MBD5: variants seen among roughly 807,000 people sequenced by gnomAD.
The protein encoded by MBD5 is methyl-CpG binding domain protein 5, also known as methyl-CpG-binding domain protein 5.
MBD5 carries 13 observed loss-of-function variants against 117.3 expected under a neutral mutation model. That is an observed-to-expected ratio of 0.11 (90% CI 0.07 to 0.18). The LOEUF (loss-of-function observed/expected upper bound fraction) is 0.18, where lower values mean the gene tolerates loss of function less well. Ranked by LOEUF, MBD5 falls within the 10% of genes least tolerant of loss-of-function variation. MBD5 has a pLI of 1.00. For missense variants in MBD5, 1,879 were observed against 2,093.8 expected (o/e 0.90, Z 2.00); for synonymous variants, 727 against 766.4 (o/e 0.95, Z 0.85).
intron 4 of MBD5, among the ~76,000 whole-genome samples, chr2:148,378,278 T>A (rs549044066): frequency 4.7e-4 from 72 of 152,316 alleles, no homozygotes; most frequent in African/African-American, 1.7e-3. Context: ...TAATGACATT[T>A]GGTTTCCTGA....
At chr2:148,063,383 G>T (rs1375876169) in intron 1 of MBD5, among the ~76,000 whole-genome samples, 3 of 152,032 alleles carry the variant, frequency 2.0e-5, no homozygotes, top group Non-Finnish European at 4.4e-5. Flanking sequence ...GGATCGTTAG[G>T]GTTCTTTCCA....
chr2:148,300,169 C>T (rs903255847), intron 3 of MBD5, among the ~76,000 whole-genome samples: 5 of 152,144 alleles, frequency 3.3e-5, no homozygotes. Context: ...ATTCCCCTGC[C>T]TCAGCCTCCC....
rs1703099577 is a variant in MBD5 at position 148,345,581 on chromosome 2, ATG to A, written c.-557+3247_-557+3248del. 2.1e-4 allele frequency among the ~76,000 whole-genome samples: 16 copies of A among 75,894 alleles called. No individual in the cohort carries two copies. The South Asian group carries it at 6.1e-3, about 29-fold the overall frequency. The allele number at this position is 75,894 out of a possible 152,430, so 49.8% of individuals were successfully genotyped here. A position where few individuals can be genotyped will look rare whatever the true frequency, so the allele number is the denominator to read the frequency against. On this transcript the variant is annotated intron_variant, in intron 4 of 13. Transcript: ENST00000642680. ...TGTATATACACGTATACACATACAT[ATG>A]TATATACACGTATACACATACATAT...
In MBD5 at chr2:148,489,472, T is replaced by G; in HGVS notation, c.3840T>G (p.Thr1280=). The change falls in exon 11 of 14, where the codon ACT becomes ACG. Residue 1280 remains threonine (T), a synonymous_variant. Transcript: ENST00000642680. Reference sequence around the variant, plus strand: ...CAGCACTTCCTGAGAATCCAAACACTACACTTCCACCTTTTCAAGATACAC... The same window carrying G: ...CAGCACTTCCTGAGAATCCAAACACGACACTTCCACCTTTTCAAGATACAC... ...GLTALPENPN[T]TLPPFQDTPC... 6.2e-7 allele frequency: 1 copy of G among 1,614,174 alleles called. No homozygotes were observed. The highest frequency in any genetic ancestry group is 8.5e-7 in the Non-Finnish European group (1 of 1,180,026).
At chr2:148,098,713 A>G (rs1330752637) in intron 1 of MBD5, among the ~76,000 whole-genome samples, 1 of 152,074 alleles carries the variant, frequency 6.6e-6, no homozygotes, top group South Asian at 2.1e-4. Context: ...TGGTGATTCT[A>G]TGTATAGCCA....
chr2:148,407,809 G>A (rs1705128591), intron 4 of MBD5, among the ~76,000 whole-genome samples: 1 of 152,078 alleles, frequency 6.6e-6, no homozygotes, highest in South Asian at 2.1e-4. Context: ...TGTTTTTAGT[G>A]TAAAAATTCA....
intron 11 of MBD5, among the ~76,000 whole-genome samples, chr2:148,498,503 A>AT (rs1003329659): frequency 3.9e-5 from 6 of 152,040 alleles, no homozygotes; most frequent in African/African-American, 9.7e-5. Context: ...ATGCCCAGCT[A>AT]TTTTTTGTAT....
At chr2:148,232,091 T>G (rs1486801758) in intron 2 of MBD5, among the ~76,000 whole-genome samples, 1 of 152,196 alleles carries the variant, frequency 6.6e-6, no homozygotes, top group Non-Finnish European at 1.5e-5. Context: ...TAAAGAGACA[T>G]TCCAATCTGA....
At chr2:148,510,987 A>C (rs1272690068) in intron 13 of MBD5, among the ~76,000 whole-genome samples, 3 of 152,154 alleles carry the variant, frequency 2.0e-5, no homozygotes. Context: ...TGGATGAGAA[A>C]TGCCAGTGAA....
At chr2:148,411,536 T>G (rs1705250056) in intron 4 of MBD5, among the ~76,000 whole-genome samples, 1 of 124,746 alleles carries the variant, frequency 8.0e-6, no homozygotes, top group Non-Finnish European at 1.6e-5. Context: ...TTTTTTTTTG[T>G]AGTAATTGCC....
chr2:148,435,342 G>A (rs975816192), intron 4 of MBD5, among the ~76,000 whole-genome samples: 1 of 152,090 alleles, frequency 6.6e-6, no homozygotes, highest in Non-Finnish European at 1.5e-5. Context: ...TTGTGTGGTT[G>A]CTTTATAGTG....
At chr2:148,257,765 A>G (rs539950329) in intron 3 of MBD5, among the ~76,000 whole-genome samples, 102 of 152,294 alleles carry the variant, frequency 6.7e-4, no homozygotes, top group African/African-American at 1.9e-3. Context: ...GTAAAAGTTC[A>G]TTGTTGCCTG....
rs1456302632 is a variant in MBD5 at position 148,043,313 on chromosome 2, C to T, written c.-925+21629C>T. Reference sequence around the variant, plus strand: ...TAAATAAATAAATAAATTAGCCGGGCATGGTAACGGGCACCTGTAATCCCA... The same window carrying T: ...TAAATAAATAAATAAATTAGCCGGGTATGGTAACGGGCACCTGTAATCCCA... On this transcript the variant is annotated intron_variant, in intron 1 of 13. Coordinates refer to ENST00000642680, the MANE Select transcript of MBD5 (RefSeq NM_001378120.1). Among the ~76,000 whole-genome samples the T allele has an allele frequency of 2.6e-5, 4 of 151,318 alleles. No individual in the cohort carries two copies. In the East Asian group the frequency reaches 7.7e-4, roughly 29 times the overall value.
In MBD5 at chr2:148,515,689, G is replaced by A. The variant is rs988134720; in HGVS notation, c.*2748G>A. ...CTTTTTAAGAAACAAATCCAAGAAT[G>A]GAAACAGATGAAAAATTTTTTCTTC... On this transcript the variant is annotated 3_prime_UTR_variant, in exon 14 of 14. Coordinates refer to ENST00000642680, the MANE Select transcript of MBD5 (RefSeq NM_001378120.1). 4.6e-5 allele frequency: 7 copies of A among 152,054 alleles called. No homozygotes were observed. The highest frequency in any genetic ancestry group is 1.7e-4 in the African/African-American group (7 of 41,408). The allele number at this position is 152,054 out of a possible 1,614,324, so 9.4% of individuals were successfully genotyped here. A position where few individuals can be genotyped will look rare whatever the true frequency, so the allele number is the denominator to read the frequency against.
At chr2:148,418,903 G>C (rs1705508257) in intron 4 of MBD5, among the ~76,000 whole-genome samples, 1 of 151,964 alleles carries the variant, frequency 6.6e-6, no homozygotes, top group African/African-American at 2.4e-5. Context: ...CTAAAAAAGA[G>C]CCAGAATAGC....
chr2:148,028,504 C>T (rs1693958070), intron 1 of MBD5: 1 of 152,026 alleles, frequency 6.6e-6, no homozygotes, highest in Non-Finnish European at 1.5e-5. Context: ...TTCACAATTA[C>T]TGTTTTTTAT....
At chr2:148,266,856 C>T (rs529666560) in intron 3 of MBD5, among the ~76,000 whole-genome samples, 7 of 152,004 alleles carry the variant, frequency 4.6e-5, no homozygotes, top group Admixed American at 2.0e-4. Flanking sequence ...CACAATAAAA[C>T]GCAAATTTCT....
At chr2:148,152,189 C>T (rs949768119) in intron 1 of MBD5, among the ~76,000 whole-genome samples, 5 of 152,126 alleles carry the variant, frequency 3.3e-5, no homozygotes, top group South Asian at 2.1e-4. Context: ...GCCTTCATCT[C>T]GTTATGTACC....
chr2:148,360,022 T>C (rs768805161), intron 4 of MBD5, among the ~76,000 whole-genome samples: 4 of 152,144 alleles, frequency 2.6e-5, no homozygotes, highest in Non-Finnish European at 5.9e-5. Flanking sequence ...CATAACTGAA[T>C]AAATTCACTA....
Sources: gnomAD v4.1 joint callset for allele counts (sites outside exome capture counted in the v4.1 genomes callset) on GRCh38, gnomAD v4.1.1 for gene constraint, MANE v1.5 for transcripts, NCBI Gene and HGNC (gene_info 2026-07-23, HGNC 2026-07-21) for gene names.